The following LRBA variants were observed in gnomAD, a reference collection of about 807,000 sequenced individuals.
The protein encoded by LRBA is LPS responsive beige-like anchor protein.
Under a neutral mutation model 330.0 loss-of-function variants are expected in LRBA, and 176 were observed. That is an observed-to-expected ratio of 0.53 (90% CI 0.47 to 0.60). LRBA has a LOEUF of 0.60. LRBA is among the 20% of genes least tolerant of loss of function. The probability of loss-of-function intolerance (pLI) is 0.00; values close to 1 mark genes in which losing one functional copy is unlikely to be tolerated. For missense variants in LRBA, 3,259 were observed against 3,444.8 expected (o/e 0.95, Z 1.35); for synonymous variants, 1,230 against 1,193.0 (o/e 1.03, Z -0.64).
intron 17 of LRBA, among the ~76,000 whole-genome samples, chr4:150,888,667 A>G (rs975724926): frequency 2.0e-5 from 3 of 152,202 alleles, no homozygotes; most frequent in African/African-American, 7.2e-5. Context: ...CAAAATATAA[A>G]TTTTGAGAAT....
intron 4 of LRBA, among the ~76,000 whole-genome samples, chr4:150,922,708 AC>A (rs1357527436): frequency 6.6e-6 from 1 of 152,076 alleles, no homozygotes; most frequent in Non-Finnish European, 1.5e-5. Context: ...CTCACAAATC[AC>A]CACTAAAGAA....
intron 30 of LRBA, among the ~76,000 whole-genome samples, chr4:150,824,680 C>G (rs1262392694): frequency 2.6e-5 from 4 of 152,122 alleles, no homozygotes; most frequent in Non-Finnish European, 4.4e-5. Flanking sequence ...TGGCTTTTGT[C>G]TTCCATCCTG....
intron 44 of LRBA, among the ~76,000 whole-genome samples, chr4:150,439,989 T>C (rs914099154): frequency 2.6e-5 from 4 of 152,202 alleles, no homozygotes; most frequent in Non-Finnish European, 4.4e-5. Flanking sequence ...TCAGGATGTT[T>C]ATTCATCTCT....
intron 37 of LRBA, among the ~76,000 whole-genome samples, chr4:150,676,102 G>A (rs558601252): frequency 1.3e-5 from 2 of 152,200 alleles, no homozygotes; most frequent in African/African-American, 2.4e-5. Flanking sequence ...GAATGTATAT[G>A]AAAATTATGA....
intron 30 of LRBA, among the ~76,000 whole-genome samples, chr4:150,824,965 G>A (rs553149636): frequency 1.3e-5 from 2 of 151,334 alleles, no homozygotes; most frequent in Non-Finnish European, 2.9e-5. Flanking sequence ...AAATCTCACC[G>A]TGTTGCCCAG....
intron 2 of LRBA, among the ~76,000 whole-genome samples, chr4:150,957,021 CGTGT>C (rs774370123): frequency 5.4e-5 from 8 of 148,628 alleles, no homozygotes; most frequent in Admixed American, 4.0e-4. Flanking sequence ...TGAGTGTGTG[CGTGT>C]GTGTGTATGT....
At chr4:150,657,356 C>T (rs540897475) in intron 37 of LRBA, among the ~76,000 whole-genome samples, 1 of 152,134 alleles carries the variant, frequency 6.6e-6, no homozygotes, top group East Asian at 1.9e-4. Flanking sequence ...GTAATAACCT[C>T]TAGGGGTTAC....
chr4:150,482,642 C>T (rs542853581), intron 42 of LRBA, among the ~76,000 whole-genome samples: 3 of 152,192 alleles, frequency 2.0e-5, no homozygotes, highest in African/African-American at 7.2e-5. Flanking sequence ...TACCACTTTA[C>T]TTCCCCATCA....
At chr4:150,905,163 A>G (rs1232207769) in intron 13 of LRBA, among the ~76,000 whole-genome samples, 1 of 152,162 alleles carries the variant, frequency 6.6e-6, no homozygotes, top group African/African-American at 2.4e-5. Context: ...ATTTACATTC[A>G]CATAGAACTA....
chr4:150,290,950 TTTTA>T (rs906587087), intron 53 of LRBA, among the ~76,000 whole-genome samples: 8 of 152,130 alleles, frequency 5.3e-5, no homozygotes, highest in East Asian at 1.9e-4. Context: ...TGGACTTATG[TTTTA>T]TTTATTTATT....
intron 37 of LRBA, among the ~76,000 whole-genome samples, chr4:150,624,261 C>T (rs1038758815): frequency 2.0e-5 from 3 of 150,332 alleles, no homozygotes; most frequent in Non-Finnish European, 4.4e-5. Flanking sequence ...AAAATGCAGT[C>T]ATTCACTGCC....
intron 17 of LRBA, among the ~76,000 whole-genome samples, chr4:150,875,503 AAGTATAT>A (rs1753914287): frequency 6.6e-6 from 1 of 152,314 alleles, no homozygotes; most frequent in East Asian, 1.9e-4. Context: ...AACAAGGGTC[AAGTATAT>A]ACCCAGCCAC....
At chr4:150,478,128 A>G (rs1379539274) in intron 42 of LRBA, among the ~76,000 whole-genome samples, 2 of 151,808 alleles carry the variant, frequency 1.3e-5, no homozygotes, top group East Asian at 3.9e-4. Flanking sequence ...GCATTTTACA[A>G]TCTCTCCCCA....
chr4:150,974,000 G>T (rs1739874693), intron 2 of LRBA, among the ~76,000 whole-genome samples: 1 of 152,208 alleles, frequency 6.6e-6, no homozygotes, highest in South Asian at 2.1e-4. Flanking sequence ...AAATATTCAT[G>T]TTCAGCAGGC....
At chr4:150,612,580 T>G (rs1775382862) in intron 37 of LRBA, among the ~76,000 whole-genome samples, 1 of 152,200 alleles carries the variant, frequency 6.6e-6, no homozygotes, top group Non-Finnish European at 1.5e-5. Flanking sequence ...TAAAGTGATT[T>G]ATTTTCCTCT....
intron 37 of LRBA, among the ~76,000 whole-genome samples, chr4:150,635,790 T>C (rs1265260496): frequency 6.6e-6 from 1 of 152,172 alleles, no homozygotes; most frequent in Non-Finnish European, 1.5e-5. Flanking sequence ...ATTTTACTAA[T>C]TACCCCAGTA....
intron 37 of LRBA, among the ~76,000 whole-genome samples, chr4:150,645,196 AG>A: frequency 7.1e-6 from 1 of 141,232 alleles, no homozygotes. Flanking sequence ...CTAAGGGCAT[AG>A]ACTGATTTTT....
chr4:150,458,475 G>A (rs2152044157), intron 44 of LRBA, among the ~76,000 whole-genome samples: 1 of 151,884 alleles, frequency 6.6e-6, no homozygotes, highest in Non-Finnish European at 1.5e-5. Flanking sequence ...AAATTAAATA[G>A]CTACACAGTT....
chr4:150,297,366 C>T (rs1432645196), intron 53 of LRBA, among the ~76,000 whole-genome samples: 2 of 152,144 alleles, frequency 1.3e-5, no homozygotes, highest in East Asian at 3.9e-4. Context: ...AACTTGAGGG[C>T]CTGCATTGCA....
Sources: gnomAD v4.1 joint callset for allele counts (sites outside exome capture counted in the v4.1 genomes callset) on GRCh38, gnomAD v4.1.1 for gene constraint, MANE v1.5 for transcripts, NCBI Gene and HGNC (gene_info 2026-07-23, HGNC 2026-07-21) for gene names.